Variants in XIRP2 observed in about 807,000 individuals in gnomAD.
XIRP2 encodes xin actin-binding repeat-containing protein 2.
Under a neutral mutation model 277.0 loss-of-function variants are expected in XIRP2, and 236 were observed. The ratio of observed to expected loss-of-function variants is 0.85; its 90% CI spans 0.77 to 0.95. The LOEUF is 0.95. Among genes scored for constraint, XIRP2 ranks in the 40% least tolerant of loss-of-function variants. The pLI is 0.00. For synonymous variants in XIRP2, 1,490 were observed against 1,416.5 expected (o/e 1.05, Z -1.17); for missense variants, 4,640 against 4,157.5 (o/e 1.12, Z -3.19).
chr2:166,974,437 T>C (rs575068260), intron 2 of XIRP2, among the ~76,000 whole-genome samples: 1 of 152,198 alleles, frequency 6.6e-6, no homozygotes, highest in African/African-American at 2.4e-5. Context: ...ACTAAAATTG[T>C]GTATTGTGGG....
intron 2 of XIRP2, among the ~76,000 whole-genome samples, chr2:166,954,798 G>A (rs1345977850): frequency 6.6e-6 from 1 of 151,898 alleles, no homozygotes; most frequent in African/African-American, 2.4e-5. Context: ...ATTATCTTCA[G>A]CAAACTAATG....
intron 2 of XIRP2, among the ~76,000 whole-genome samples, chr2:167,080,482 C>T (rs926642309): frequency 1.3e-5 from 2 of 151,962 alleles, no homozygotes; most frequent in Non-Finnish European, 2.9e-5. Flanking sequence ...GGATAACATA[C>T]ATAATAAGGT....
In XIRP2 at chr2:167,218,150, T is replaced by C. The variant is rs1182527190; in HGVS notation, c.724-16T>C. 9.1e-6 allele frequency: 14 copies of C among 1,534,108 alleles called. No individual in the cohort carries two copies. Among genetic ancestry groups the C allele is most frequent in the Non-Finnish European group, 1.2e-5 (14 of 1,140,214 alleles). On this transcript the variant is annotated splice_polypyrimidine_tract_variant and intron_variant, in intron 4 of 10. Coordinates refer to ENST00000409195, the MANE Select transcript of XIRP2 (RefSeq NM_152381.6). ...AGCTGTAAAGCTGAATTTTCCTTTT[T>C]CTTAAATCATCCTAGATGATGGAAG...
At chr2:167,166,989 A>C (rs1692540615) in intron 3 of XIRP2, among the ~76,000 whole-genome samples, 1 of 152,100 alleles carries the variant, frequency 6.6e-6, no homozygotes, top group Admixed American at 6.5e-5. Context: ...CACTTTTATC[A>C]GTTTGTGCCT....
intron 2 of XIRP2, among the ~76,000 whole-genome samples, chr2:167,100,119 C>T (rs1574255219): frequency 3.3e-5 from 5 of 151,362 alleles, no homozygotes; most frequent in Admixed American, 2.6e-4. Context: ...GCAAGTTTAT[C>T]TTACATCCCA....
intron 2 of XIRP2, among the ~76,000 whole-genome samples, chr2:167,015,566 C>T (rs1237314252): frequency 6.6e-6 from 1 of 151,686 alleles, no homozygotes; most frequent in Non-Finnish European, 1.5e-5. Flanking sequence ...CTTAAAGTCA[C>T]CTAAGTTGCA....
intron 1 of XIRP2, among the ~76,000 whole-genome samples, chr2:166,902,560 A>C (rs1212689424): frequency 6.6e-6 from 1 of 152,064 alleles, no homozygotes; most frequent in Non-Finnish European, 1.5e-5. Flanking sequence ...CTGTGGCAAA[A>C]ATTAGTGCTA....
At chr2:167,207,631 A>G (rs868059653) in intron 3 of XIRP2, among the ~76,000 whole-genome samples, 6 of 152,206 alleles carry the variant, frequency 3.9e-5, no homozygotes, top group African/African-American at 1.2e-4. Flanking sequence ...TAATAGATTT[A>G]GTTTGTTTTT....
At chr2:167,124,701 T>A (rs1160057242) in intron 2 of XIRP2, among the ~76,000 whole-genome samples, 2 of 152,066 alleles carry the variant, frequency 1.3e-5, no homozygotes, top group East Asian at 1.9e-4. Flanking sequence ...ATGGAGTGAT[T>A]GTTCTTAGCT....
At chr2:167,197,333 A>G (rs367581497) in intron 3 of XIRP2, among the ~76,000 whole-genome samples, 1,612 of 152,370 alleles carry the variant, frequency 0.011, 21 homozygotes, top group South Asian at 0.037. Context: ...AAATCTGCCA[A>G]TGAGAACCAT....
chr2:166,955,637 G>C (rs558500275), intron 2 of XIRP2, among the ~76,000 whole-genome samples: 1 of 151,740 alleles, frequency 6.6e-6, no homozygotes, highest in South Asian at 2.1e-4. Flanking sequence ...AATAGTTGCC[G>C]TTTTAAAATC....
At chr2:167,218,334 A>C in intron 5 of XIRP2, 34 bp downstream of exon 5, 1 of 1,381,136 alleles carries the variant, frequency 7.2e-7, no homozygotes, top group Admixed American at 2.7e-5. Flanking sequence ...TAAATCAGGC[A>C]TGGTTGAAAT....
intron 8 of XIRP2, 109 bp from the exon 9 acceptor site, chr2:167,242,460 A>G (rs544437746): frequency 9.7e-6 from 11 of 1,132,054 alleles, no homozygotes; most frequent in South Asian, 1.6e-5. Flanking sequence ...ATTGTTCCCA[A>G]TGGAGATATC....
In XIRP2 at chr2:167,248,157, G is replaced by T. The variant is rs267598984; in HGVS notation, c.6765G>T (p.Met2255Ile). 29 of 1,613,548 alleles carry T rather than the reference G, an allele frequency of 1.8e-5. No individual in the cohort carries two copies. The African/African-American group carries it at 3.5e-4, about 19-fold the overall frequency. The change falls in exon 9 of 11, where the codon ATG becomes ATT. Residue 2255 changes from methionine (M) to isoleucine (I), a missense_variant. Physicochemically the swap from Met to Ile is conservative, Grantham distance 10 (BLOSUM62 1). Coordinates refer to ENST00000409195, the MANE Select transcript of XIRP2 (RefSeq NM_152381.6). ...DVHLKSQDFL[M>I]KTNTSTGLKM... ...ACTTGAAAAGCCAGGACTTTCTAATGAAAACAAATACTTCCACAGGCTTAA... is the reference window on the plus strand; with the variant it reads ...ACTTGAAAAGCCAGGACTTTCTAATTAAAACAAATACTTCCACAGGCTTAA...
chr2:167,213,867 G>A (rs1694135171), intron 4 of XIRP2, among the ~76,000 whole-genome samples: 1 of 152,096 alleles, frequency 6.6e-6, no homozygotes, highest in African/African-American at 2.4e-5. Flanking sequence ...TCACTTGGGT[G>A]AATGAGCAGC....
intron 5 of XIRP2, among the ~76,000 whole-genome samples, chr2:167,219,474 T>C (rs954385321): frequency 6.6e-6 from 1 of 152,126 alleles, no homozygotes; most frequent in Non-Finnish European, 1.5e-5. Flanking sequence ...ATCCTTCACT[T>C]TGAAGGGAAG....
At chr2:166,999,543 A>G (rs1448736696) in intron 2 of XIRP2, among the ~76,000 whole-genome samples, 1 of 152,142 alleles carries the variant, frequency 6.6e-6, no homozygotes, top group Non-Finnish European at 1.5e-5. Flanking sequence ...AACTTGACTG[A>G]TAAATTTAAT....
chr2:167,109,058 T>C (rs1189728726), intron 2 of XIRP2, among the ~76,000 whole-genome samples: 4 of 152,074 alleles, frequency 2.6e-5, no homozygotes, highest in Non-Finnish European at 4.4e-5. Flanking sequence ...TGTCTGTTTT[T>C]CTACTCCCAG....
chr2:167,124,876 C>T (rs558511603), intron 2 of XIRP2, among the ~76,000 whole-genome samples: 2 of 152,144 alleles, frequency 1.3e-5, no homozygotes, highest in Non-Finnish European at 2.9e-5. Flanking sequence ...TCATTAAATG[C>T]TGCTGTCCCT....
Sources: allele counts gnomAD v4.1 joint callset (sites outside exome capture counted in the v4.1 genomes callset), GRCh38; gene constraint gnomAD v4.1.1; transcripts MANE v1.5; gene names NCBI Gene and HGNC (gene_info 2026-07-23, HGNC 2026-07-21).